Variants in BLM observed in about 807,000 individuals in gnomAD.
The protein encoded by BLM is recQ-like DNA helicase BLM.
In BLM, 95 loss-of-function variants were observed where a neutral mutation model predicts 135.3. The ratio of observed to expected loss-of-function variants is 0.70; its 90% CI spans 0.59 to 0.83. The LOEUF is 0.83. Among genes scored for constraint, BLM ranks in the 40% least tolerant of loss-of-function variants. The pLI, the probability that BLM is intolerant of heterozygous loss-of-function variation, is 0.00. For synonymous variants in BLM, 520 were observed against 589.2 expected (o/e 0.88, Z 1.70); for missense variants, 1,518 against 1,663.9 (o/e 0.91, Z 1.53).
At chr15:90,731,281 A>G (rs7163604) in intron 1 of BLM, among the ~76,000 whole-genome samples, 47,322 of 152,024 alleles carry the variant, frequency 0.31, 8,054 homozygotes, top group African/African-American at 0.45. Flanking sequence ...CTTTGCTAAC[A>G]TATTGTTTGG....
At chr15:90,804,823 A>G (rs1897251220) in intron 19 of BLM, among the ~76,000 whole-genome samples, 1 of 151,936 alleles carries the variant, frequency 6.6e-6, no homozygotes, top group Admixed American at 6.6e-5. Flanking sequence ...CAGAGAAACA[A>G]TTGAAACTTA....
chr15:90,768,887 C>T (rs543715056), intron 10 of BLM, among the ~76,000 whole-genome samples: 11 of 152,188 alleles, frequency 7.2e-5, no homozygotes, highest in African/African-American at 9.6e-5. Context: ...CCACCACGCC[C>T]GGCTAATTTT....
Position 90,766,890 on chromosome 15 carries a change from T to A in BLM, c.2194-20T>A. ...AGGTTAATGTATAAAATTGAAATTG[T>A]TTACTACTTTTATACTTAGATTCCA... On this transcript the variant is annotated intron_variant, in intron 9 of 21. Coordinates refer to ENST00000355112, the MANE Select transcript of BLM (RefSeq NM_000057.4). The A allele has an allele frequency of 2.1e-6, 3 of 1,461,486 alleles. No individual in the cohort carries two copies. The highest frequency in any genetic ancestry group is 2.9e-6 in the Non-Finnish European group (3 of 1,044,176). The allele number at this position is 1,461,486 out of a possible 1,614,324, so 90.5% of individuals were successfully genotyped here.
chr15:90,790,585 AT>A (rs1896878117), intron 14 of BLM, 63 bp from the exon 15 acceptor site: 8 of 1,449,130 alleles, frequency 5.5e-6, no homozygotes, highest in Non-Finnish European at 7.8e-6. Context: ...AGAAGCATCT[AT>A]TATGAAAATG....
intron 1 of BLM, among the ~76,000 whole-genome samples, chr15:90,745,685 A>G (rs897123359): frequency 6.6e-6 from 1 of 152,150 alleles, no homozygotes; most frequent in Non-Finnish European, 1.5e-5. Flanking sequence ...TGCTGGGTCT[A>G]TGGGCATGAG....
At chr15:90,730,492 C>T (rs1326580517) in intron 1 of BLM, among the ~76,000 whole-genome samples, 1 of 152,134 alleles carries the variant, frequency 6.6e-6, no homozygotes. Context: ...CTCTGCCACC[C>T]AGGCTGGAGT....
intron 12 of BLM, among the ~76,000 whole-genome samples, chr15:90,781,618 C>T (rs994264251): frequency 6.6e-6 from 1 of 152,066 alleles, no homozygotes. Context: ...AAGCGCGAGA[C>T]TCCCTCTCAA....
At chr15:90,782,107 G>C (rs1280185876) in intron 12 of BLM, among the ~76,000 whole-genome samples, 1 of 152,154 alleles carries the variant, frequency 6.6e-6, no homozygotes, top group Non-Finnish European at 1.5e-5. Context: ...TACTTGGTAG[G>C]CTGGGCCCGG....
chr15:90,792,863 T>C (rs974445476), intron 15 of BLM, among the ~76,000 whole-genome samples: 1 of 152,108 alleles, frequency 6.6e-6, no homozygotes, highest in African/African-American at 2.4e-5. Flanking sequence ...CCTTGCACTA[T>C]ACCAAAGTGA....
At position 90,760,908 on chromosome 15, in the gene BLM, G is replaced by GA. The variant is rs367543043; in HGVS notation, c.1544dup (p.Asn515LysfsTer2). 1.9e-5 allele frequency: 31 copies of GA among 1,607,906 alleles called. No individual in the cohort carries two copies. The highest frequency in any genetic ancestry group is 3.3e-4 in the Middle Eastern group (2 of 6,054). On this transcript the variant is annotated frameshift_variant, in exon 7 of 22. Coordinates refer to ENST00000355112, the MANE Select transcript of BLM (RefSeq NM_000057.4). LOFTEE classifies it high-confidence loss of function. Reference sequence around the variant, plus strand: ...AACTGGGCTGAAACACCAAGACTAGGAAAAAAAAATGAAAGCTCTTATTTC... The same window carrying GA: ...AACTGGGCTGAAACACCAAGACTAGGAAAAAAAAAATGAAAGCTCTTATTTC...
chr15:90,771,394 G>T (rs990657284), intron 12 of BLM, among the ~76,000 whole-genome samples: 3 of 152,112 alleles, frequency 2.0e-5, no homozygotes, highest in African/African-American at 7.2e-5. Context: ...GGCTGAGGCA[G>T]GAGAATTGCT....
chr15:90,766,894 C>T lies in BLM; in HGVS notation c.2194-16C>T. On this transcript the variant is annotated splice_polypyrimidine_tract_variant and intron_variant, in intron 9 of 21. Transcript: ENST00000355112. ...TAATGTATAAAATTGAAATTGTTTA[C>T]TACTTTTATACTTAGATTCCAGCTA... is the stretch of plus-strand genomic sequence containing the variant. 6.7e-7 allele frequency: 1 copy of T among 1,482,818 alleles called. No individual in the cohort carries two copies. The highest frequency in any genetic ancestry group is 9.4e-7 in the Non-Finnish European group (1 of 1,063,604). The allele number at this position is 1,482,818 out of a possible 1,614,324, so 91.9% of individuals were successfully genotyped here. A position where few individuals can be genotyped will look rare whatever the true frequency, so the allele number is the denominator to read the frequency against.
At chr15:90,747,534 CCA>C in intron 2 of BLM, 44 bp downstream of exon 2, 1 of 1,177,840 alleles carries the variant, frequency 8.5e-7, no homozygotes, top group Non-Finnish European at 1.3e-6. Flanking sequence ...CACTAACTTA[CCA>C]CATTGTACAC....
chr15:90,718,404 A>G (rs909650427), intron 1 of BLM, among the ~76,000 whole-genome samples: 2 of 152,220 alleles, frequency 1.3e-5, no homozygotes, highest in Non-Finnish European at 2.9e-5. Context: ...TAGGTACCTC[A>G]TGGCGTGAGA....
intron 15 of BLM, among the ~76,000 whole-genome samples, chr15:90,793,142 T>TA: frequency 6.6e-6 from 1 of 151,332 alleles, no homozygotes; most frequent in East Asian, 1.9e-4. Flanking sequence ...TATTTTCTTT[T>TA]TTTTTTTTTT....
chr15:90,759,486 G>A (rs1895902829), intron 5 of BLM, among the ~76,000 whole-genome samples: 1 of 151,992 alleles, frequency 6.6e-6, no homozygotes, highest in Non-Finnish European at 1.5e-5. Flanking sequence ...TCACCTACTT[G>A]GGGAGGCTGA....
chr15:90,747,573 C>G (rs928959128), intron 2 of BLM, 83 bp downstream of exon 2: 8 of 872,640 alleles, frequency 9.2e-6, no homozygotes, highest in Admixed American at 6.0e-5. Context: ...TTAAACTCCC[C>G]CATTGTACAG....
At chr15:90,750,150 A>T in intron 3 of BLM, 83 bp downstream of exon 3, 1 of 1,440,454 alleles carries the variant, frequency 6.9e-7, no homozygotes, top group Non-Finnish European at 9.6e-7. Context: ...TCATGAATAT[A>T]TAGAGCTTTT....
chr15:90,743,220 C>G (rs748589539), intron 1 of BLM, among the ~76,000 whole-genome samples: 4 of 151,924 alleles, frequency 2.6e-5, no homozygotes, highest in Non-Finnish European at 4.4e-5. Flanking sequence ...CTCAAGCCAT[C>G]CCCCTGCCTC....
Sources: gnomAD v4.1 joint callset for allele counts (sites outside exome capture counted in the v4.1 genomes callset) on GRCh38, gnomAD v4.1.1 for gene constraint, MANE v1.5 for transcripts, NCBI Gene and HGNC (gene_info 2026-07-23, HGNC 2026-07-21) for gene names.